IGFL2: variants seen among roughly 807,000 people sequenced by gnomAD.
IGFL2 encodes the protein IGF like family member 2, also known as insulin growth factor-like family member 2.
Under a neutral mutation model 13.9 loss-of-function variants are expected in IGFL2, and 7 were observed. The ratio of observed to expected loss-of-function variants is 0.51; its 90% CI spans 0.29 to 0.95. The LOEUF is 0.95. Among genes scored for constraint, IGFL2 ranks in the 40% least tolerant of loss-of-function variants. The pLI is 0.08. For synonymous variants in IGFL2, 55 were observed against 55.8 expected (o/e 0.99, Z 0.07); for missense variants, 138 against 147.8 (o/e 0.93, Z 0.34).
upstream of IGFL2, chr19:46,148,015 G>C: frequency 2.2e-6 from 1 of 451,404 alleles, no homozygotes; most frequent in East Asian, 3.5e-5. Context: ...GCTTTGAAAG[G>C]TTCTAGGGAA....
chr19:46,158,504 C>T (rs542377444), intron 1 of IGFL2, among the ~76,000 whole-genome samples: 10 of 129,486 alleles, frequency 7.7e-5, no homozygotes, highest in Admixed American at 2.7e-4. Context: ...CCACCACGCC[C>T]GGCCTGATTG....
the IGFL2 span, among the ~76,000 whole-genome samples, chr19:46,182,365 TAAAAAAAAAAAAAAAAA>T: frequency 2.5e-5 from 2 of 78,692 alleles, no homozygotes; most frequent in African/African-American, 9.3e-5. Context: ...AGACTTTGCC[TAAAAAAAAAAAAAAAAA>T]AAAAAAAATT....
At chr19:46,201,677 G>A in the IGFL2 span, among the ~76,000 whole-genome samples, 2 of 152,104 alleles carry the variant, frequency 1.3e-5, no homozygotes, top group Non-Finnish European at 2.9e-5. Context: ...GATAGTAACG[G>A]GCGTGTGATT....
chr19:46,157,030 A>G (rs532944654), intron 1 of IGFL2, among the ~76,000 whole-genome samples: 7 of 152,260 alleles, frequency 4.6e-5, no homozygotes, highest in African/African-American at 1.7e-4. Flanking sequence ...CTTAGATGAA[A>G]TGGACCACCC....
the IGFL2 span, among the ~76,000 whole-genome samples, chr19:46,088,516 A>G: frequency 3.9e-5 from 6 of 152,262 alleles, no homozygotes; most frequent in East Asian, 3.8e-4. Flanking sequence ...GAATGGTGCC[A>G]TCATTCATCT....
the IGFL2 span, chr19:46,101,227 A>G: frequency 6.6e-6 from 1 of 152,460 alleles, no homozygotes; most frequent in Non-Finnish European, 1.5e-5. Context: ...GACCCACTTA[A>G]TGAAACACTC....
At chr19:46,166,025 A>G (rs1451373314), downstream of IGFL2, among the ~76,000 whole-genome samples, 1 of 152,178 alleles carries the variant, frequency 6.6e-6, no homozygotes, top group East Asian at 1.9e-4. Flanking sequence ...CAGCACCTGC[A>G]CCACCTGGAA....
In IGFL2 at chr19:46,153,837, A is replaced by ATTTT. The variant is rs1456674747; in HGVS notation, c.19+5541_19+5542insTTTT. On this transcript the variant is annotated intron_variant, in intron 1 of 3. Coordinates refer to ENST00000377693, the MANE Select transcript of IGFL2 (RefSeq NM_001135113.2). ...TATGTGTATATATATATATATATAT[A>ATTTT]TATTTTTTTTACTTTAAGTTCTGGG... Among the ~76,000 whole-genome samples the ATTTT allele has an allele frequency of 7.3e-4, 103 of 140,358 alleles. 1 individual carries two copies. In the Middle Eastern group the frequency reaches 0.018, roughly 25 times the overall value. The allele number at this position is 140,358 out of a possible 152,430, so 92.1% of individuals were successfully genotyped here.
chr19:46,123,883 T>C, the IGFL2 span: 1 of 1,607,488 alleles, frequency 6.2e-7, no homozygotes, highest in South Asian at 1.1e-5. Context: ...TAGGGACCTT[T>C]ACCTGGTACA....
At chr19:46,183,751 G>C in the IGFL2 span, among the ~76,000 whole-genome samples, 555 of 152,168 alleles carry the variant, frequency 3.6e-3, 3 homozygotes, top group African/African-American at 0.013. Flanking sequence ...GGCCAGGCTG[G>C]TCTTGAACTC....
chr19:46,111,861 A>C, the IGFL2 span: 1 of 152,250 alleles, frequency 6.6e-6, no homozygotes, highest in Non-Finnish European at 1.5e-5. Flanking sequence ...CTATTAATAG[A>C]AACCCAAACC....
chr19:46,122,977 A>AG, the IGFL2 span, among the ~76,000 whole-genome samples: 2 of 151,020 alleles, frequency 1.3e-5, no homozygotes, highest in South Asian at 4.2e-4. Flanking sequence ...GGGTAAAAAA[A>AG]ATGACATTTG....
chr19:46,110,031 A>G, the IGFL2 span, among the ~76,000 whole-genome samples: 6 of 152,344 alleles, frequency 3.9e-5, no homozygotes, highest in Non-Finnish European at 5.9e-5. Flanking sequence ...GTCACAAGAC[A>G]TGTTCGAGTA....
rs113853233 is a variant in IGFL2, at chr19:46,158,490, T to G, written c.20-1925T>G. 4.5e-4 allele frequency among the ~76,000 whole-genome samples: 58 copies of G among 130,052 alleles called. 1 individual carries two copies. The highest frequency in any genetic ancestry group is 1.5e-3 in the African/African-American group (52 of 34,664). 85.3% of individuals were successfully genotyped at this position (130,052 alleles called of 152,430 possible). A position where few individuals can be genotyped will look rare whatever the true frequency, so the allele number is the denominator to read the frequency against. On this transcript the variant is annotated intron_variant, in intron 1 of 3. Coordinates refer to ENST00000377693, the MANE Select transcript of IGFL2 (RefSeq NM_001135113.2). ...TCCCAAAGTGCTAGGATTACAGGTG[T>G]GAGCCACCACGCCCGGCCTGATTGC...
upstream of IGFL2, among the ~76,000 whole-genome samples, chr19:46,142,040 C>G (rs1006666715): frequency 6.6e-6 from 1 of 152,172 alleles, no homozygotes; most frequent in East Asian, 1.9e-4. Flanking sequence ...TCATAATTCT[C>G]TCTCATGACT....
At chr19:46,079,609 C>T in the IGFL2 span, among the ~76,000 whole-genome samples, 2 of 152,262 alleles carry the variant, frequency 1.3e-5, no homozygotes. Context: ...GCCTGTACGT[C>T]GCCTGTACCT....
the IGFL2 span, chr19:46,124,688 TA>T: frequency 6.3e-7 from 1 of 1,589,226 alleles, no homozygotes; most frequent in Non-Finnish European, 8.6e-7. Flanking sequence ...AGAAGAGTGG[TA>T]AAAGGCTGGA....
At chr19:46,146,347 G>A (rs1973138753), upstream of IGFL2, among the ~76,000 whole-genome samples, 1 of 152,148 alleles carries the variant, frequency 6.6e-6, no homozygotes, top group Non-Finnish European at 1.5e-5. Context: ...ATACTACACT[G>A]TTGTCATTAC....
the IGFL2 span, among the ~76,000 whole-genome samples, chr19:46,186,669 T>C: frequency 2.1e-4 from 32 of 152,240 alleles, no homozygotes; most frequent in African/African-American, 7.5e-4. Context: ...TTCCAGAAGA[T>C]ATTACAAGAA....
Sources: allele counts gnomAD v4.1 joint callset (sites outside exome capture counted in the v4.1 genomes callset), GRCh38; gene constraint gnomAD v4.1.1; transcripts MANE v1.5; gene names NCBI Gene and HGNC (gene_info 2026-07-23, HGNC 2026-07-21).